Variants in SYNE2 observed in about 807,000 individuals in gnomAD.
SYNE2 encodes the protein spectrin repeat containing nuclear envelope protein 2.
In SYNE2, 431 loss-of-function variants were observed where a neutral mutation model predicts 856.3. The ratio of observed to expected loss-of-function variants is 0.50; its 90% CI spans 0.47 to 0.55. The LOEUF (loss-of-function observed/expected upper bound fraction) is 0.55, where lower values mean the gene tolerates loss of function less well. Among genes scored for constraint, SYNE2 ranks in the 20% least tolerant of loss-of-function variants. The pLI, the probability that SYNE2 is intolerant of heterozygous loss-of-function variation, is 0.00. For missense variants in SYNE2, 8,129 were observed against 8,023.2 expected, an observed-to-expected ratio of 1.01 and a Z score of -0.50; for synonymous variants, 2,923 against 2,872.3, an observed-to-expected ratio of 1.02 and a Z score of -0.56.
intron 77 of SYNE2, among the ~76,000 whole-genome samples, chr14:64,133,067 G>A (rs532664029): frequency 7.2e-5 from 11 of 151,944 alleles, no homozygotes; most frequent in Admixed American, 3.3e-4. Flanking sequence ...TTAGCTGGGC[G>A]TGGTGGTGGG....
At chr14:63,851,770 T>A (rs944305293), upstream of SYNE2, among the ~76,000 whole-genome samples, 1 of 151,764 alleles carries the variant, frequency 6.6e-6, no homozygotes, top group African/African-American at 2.4e-5. Flanking sequence ...CACAGACATA[T>A]ATATGAACTT....
chr14:63,834,850 A>C (rs1361939757), intron 1 of SYNE2, among the ~76,000 whole-genome samples: 1 of 148,614 alleles, frequency 6.7e-6, no homozygotes, highest in East Asian at 2.1e-4. Flanking sequence ...CATGTTGGCC[A>C]GATGGTCTCG....
At chr14:64,098,716 A>T in intron 62 of SYNE2, 31 bp from the exon 63 acceptor site, 1 of 1,610,662 alleles carries the variant, frequency 6.2e-7, no homozygotes. Flanking sequence ...TGGCAAGCAG[A>T]CTGCAGGTAT....
chr14:63,995,833 A>T (rs1413990531), intron 23 of SYNE2, among the ~76,000 whole-genome samples: 2 of 152,056 alleles, frequency 1.3e-5, no homozygotes, highest in Non-Finnish European at 2.9e-5. Context: ...TGCAGTGAGT[A>T]CTTTTTAGTG....
intron 45 of SYNE2, among the ~76,000 whole-genome samples, chr14:64,035,215 A>T (rs2097077280): frequency 6.6e-6 from 1 of 152,176 alleles, no homozygotes; most frequent in Middle Eastern, 3.4e-3. Flanking sequence ...AAAATGTGCA[A>T]AGCTCTAGCT....
chr14:64,126,650 G>T lies in SYNE2; in HGVS notation c.13760G>T (p.Gly4587Val). Residue 4587 changes from glycine to valine, a missense_variant, in exon 73 of 116, where the codon GGT becomes GTT. Physicochemically the swap from Gly to Val is moderately radical, Grantham distance 109. This residue lies in a region of SYNE2 where 5,410 missense variants were observed against 5,284.8 expected (regional missense o/e 1.02). Transcript: ENST00000555002. ...TATTTAGCGCTAAGTGACAAGAAGG[G>T]TGATCTTTTGAAAGCCATGACTTGG... ...KLYLALSDKK[G>V]DLLKAMTWPG... 4 of 1,614,190 alleles carry T rather than the reference G, an allele frequency of 2.5e-6. No homozygotes were observed. Among genetic ancestry groups the T allele is most frequent in the Non-Finnish European group, 3.4e-6 (4 of 1,180,028 alleles).
chr14:63,913,478 T>TTTTTTC (rs2095497808), intron 2 of SYNE2, among the ~76,000 whole-genome samples: 1 of 151,184 alleles, frequency 6.6e-6, no homozygotes, highest in African/African-American at 2.4e-5. Flanking sequence ...TTTTTTTTTT[T>TTTTTTC]CTGAGACAGA....
intron 55 of SYNE2, among the ~76,000 whole-genome samples, chr14:64,079,020 C>T (rs1013554645): frequency 2.0e-5 from 3 of 152,170 alleles, no homozygotes; most frequent in East Asian, 1.9e-4. Flanking sequence ...TGCAATGAGC[C>T]GAGATCATGT....
At chr14:63,931,813 T>C (rs898760690) in intron 2 of SYNE2, among the ~76,000 whole-genome samples, 2 of 152,170 alleles carry the variant, frequency 1.3e-5, no homozygotes, top group Admixed American at 6.5e-5. Flanking sequence ...CTATAACTTA[T>C]GTACCAGAAG....
intron 108 of SYNE2, among the ~76,000 whole-genome samples, chr14:64,217,364 T>C (rs2098671456): frequency 6.6e-6 from 1 of 152,256 alleles, no homozygotes; most frequent in South Asian, 2.1e-4. Context: ...TCAGCTGCCT[T>C]GAGTTCTTGG....
chr14:63,826,203 A>T (rs1176805670), intron 1 of SYNE2, among the ~76,000 whole-genome samples: 6 of 152,242 alleles, frequency 3.9e-5, no homozygotes, highest in Non-Finnish European at 8.8e-5. Flanking sequence ...GCAGATACAT[A>T]GATCAATGGA....
At chr14:63,804,547 G>A (rs972050612) in intron 1 of SYNE2, among the ~76,000 whole-genome samples, 9 of 151,968 alleles carry the variant, frequency 5.9e-5, no homozygotes, top group African/African-American at 2.2e-4. Context: ...AGGCTGGAGT[G>A]CAATGGCGCG....
In SYNE2 at chr14:64,025,135, A is replaced by T; in HGVS notation, c.5966A>T (p.Gln1989Leu). The change falls in exon 41 of 116, where the codon CAG becomes CTG. Residue 1989 changes from glutamine (Q) to leucine (L), a missense_variant. This residue lies in a region of SYNE2 where 2,422 missense variants were observed against 2,357.4 expected (regional missense o/e 1.03). Coordinates refer to ENST00000555002, the MANE Select transcript of SYNE2 (RefSeq NM_182914.3). The stretch of plus-strand genomic sequence containing the variant: ...GTGGTATTTGGAATTTACAGGGAAC[A>T]GTTTGAATCTGTGGCCCAATTGAAC... ...FCQALARKRE[Q>L]FESVAQLNNS... is the part of the protein sequence containing the mutation. 6.2e-7 allele frequency: 1 copy of T among 1,614,110 alleles called. No homozygotes were observed. Among genetic ancestry groups the T allele is most frequent in the African/African-American group, 1.3e-5 (1 of 75,068 alleles).
Position 63,942,184 on chromosome 14 carries a change from A to G in SYNE2, c.408+41A>G, listed in dbSNP as rs201537878. The G allele has an allele frequency of 7.4e-6, 9 of 1,210,732 alleles. 1 individual carries two copies. The South Asian group carries it at 8.5e-5, about 11-fold the overall frequency. The allele number at this position is 1,210,732 out of a possible 1,614,324, so 75.0% of individuals were successfully genotyped here. Reference sequence around the variant, plus strand: ...ATATAAAAATTATTTCTACCCTACCACAGTATAAAATAAATGTAATGCAAT... The same window carrying G: ...ATATAAAAATTATTTCTACCCTACCGCAGTATAAAATAAATGTAATGCAAT... On this transcript the variant is annotated intron_variant, in intron 6 of 115. Transcript: ENST00000555002.
intron 50 of SYNE2, among the ~76,000 whole-genome samples, chr14:64,065,104 C>T (rs2097348724): frequency 6.6e-6 from 1 of 152,140 alleles, no homozygotes; most frequent in Non-Finnish European, 1.5e-5. Flanking sequence ...ATCTCATGAT[C>T]CACCCACCTT....
At chr14:63,899,203 T>G (rs2095302091) in intron 1 of SYNE2, among the ~76,000 whole-genome samples, 1 of 151,526 alleles carries the variant, frequency 6.6e-6, no homozygotes, top group Non-Finnish European at 1.5e-5. Flanking sequence ...GTTTTCATCC[T>G]TAAGTTTTTT....
intron 2 of SYNE2, among the ~76,000 whole-genome samples, chr14:63,918,563 A>G (rs2095559191): frequency 6.6e-6 from 1 of 152,238 alleles, no homozygotes; most frequent in Non-Finnish European, 1.5e-5. Flanking sequence ...GAGACGTCAG[A>G]TGCCGGATGA....
rs1195642739 is a variant in SYNE2 at position 64,052,854 on chromosome 14, A to C, written c.8941A>C (p.Ile2981Leu). ...QEVNKGVKEEIYNLKDRLTAI... is the reference protein window; with the variant it reads ...QEVNKGVKEELYNLKDRLTAI... ...AGTAAATAAAGGTGTTAAAGAGGAGATCTATAATCTTAAAGACAGACTCAC... is the reference window on the plus strand; with the variant it reads ...AGTAAATAAAGGTGTTAAAGAGGAGCTCTATAATCTTAAAGACAGACTCAC... Residue 2981 changes from isoleucine to leucine, a missense_variant, in exon 48 of 116, where the codon ATC (isoleucine) becomes CTC (leucine). Transcript: ENST00000555002. 1 of 1,613,612 alleles carries C rather than the reference A, an allele frequency of 6.2e-7. No homozygotes were observed. Among genetic ancestry groups the C allele is most frequent in the Non-Finnish European group, 8.5e-7 (1 of 1,179,944 alleles).
intron 57 of SYNE2, 90 bp from the exon 58 acceptor site, chr14:64,087,581 A>G (rs1595431359): frequency 7.2e-7 from 1 of 1,382,668 alleles, no homozygotes; most frequent in Non-Finnish European, 1.0e-6. Flanking sequence ...ATGTTGAGAT[A>G]ACTTTCAATT....
Sources: gnomAD v4.1 joint callset for allele counts (sites outside exome capture counted in the v4.1 genomes callset) on GRCh38, gnomAD v4.1.1 for gene constraint, gnomAD v4.1.1 regional missense constraint, MANE v1.5 for transcripts, NCBI Gene and HGNC (gene_info 2026-07-23, HGNC 2026-07-21) for gene names.